PIEZO2: variants seen among roughly 807,000 people sequenced by gnomAD.
PIEZO2 encodes the protein piezo-type mechanosensitive ion channel component 2.
A neutral mutation model predicts 337.3 loss-of-function variants in PIEZO2; 172 were observed. The ratio of observed to expected loss-of-function variants is 0.51; its 90% confidence interval spans 0.45 to 0.58. PIEZO2 has a LOEUF of 0.58. Among genes scored for constraint, PIEZO2 ranks in the 20% least tolerant of loss-of-function variants. The probability of loss-of-function intolerance (pLI) is 0.00; values close to 1 mark genes in which losing one functional copy is unlikely to be tolerated. For missense variants in PIEZO2, 3,028 were observed against 3,391.3 expected, an observed-to-expected ratio of 0.89 and a Z score of 2.66; for synonymous variants, 1,251 against 1,228.5, an observed-to-expected ratio of 1.02 and a Z score of -0.38.
intron 2 of PIEZO2, among the ~76,000 whole-genome samples, chr18:11,043,109 G>A (rs1050236019): frequency 1.3e-5 from 2 of 152,128 alleles, no homozygotes; most frequent in Admixed American, 6.6e-5. Context: ...CTGTATAAAT[G>A]AACACTTGGT....
rs180742010 is a variant in PIEZO2, at chr18:10,750,382, C to T, written c.4168-195G>A. Among the ~76,000 whole-genome samples the T allele has an allele frequency of 1.3e-5, 2 of 152,286 alleles. No homozygotes were observed. The highest frequency in any genetic ancestry group is 3.9e-4 in the East Asian group (2 of 5,182). On this transcript the variant is annotated intron_variant, in intron 28 of 55. Transcript: ENST00000674853. This position sits in a 1 kb window ranked among gnomAD's most constrained non-coding sequence, Gnocchi z 4.1. The stretch of plus-strand genomic sequence containing the variant: ...ATGTAAATTCCTGGGAAAAATTAAA[C>T]CTAACGAGGAAAGGAAAGGTCTTTC...
intron 4 of PIEZO2, among the ~76,000 whole-genome samples, chr18:10,882,331 A>AC (rs555698430): frequency 2.6e-5 from 4 of 152,010 alleles, no homozygotes; most frequent in African/African-American, 7.2e-5. Flanking sequence ...TTCTCCAGTT[A>AC]CCCCCGGCCC....
chr18:10,937,966 G>C (rs1319354398), intron 3 of PIEZO2, among the ~76,000 whole-genome samples: 1 of 152,216 alleles, frequency 6.6e-6, no homozygotes, highest in Non-Finnish European at 1.5e-5. Flanking sequence ...AGAGATGAGA[G>C]AAGTGGCTTT....
intron 1 of PIEZO2, among the ~76,000 whole-genome samples, chr18:11,136,518 A>G (rs1426383433): frequency 6.6e-6 from 1 of 152,214 alleles, no homozygotes; most frequent in Non-Finnish European, 1.5e-5. Context: ...AGCTAACAAC[A>G]TTTCCTTGCT....
At chr18:10,985,491 C>A (rs950522850) in intron 2 of PIEZO2, among the ~76,000 whole-genome samples, 26 of 152,014 alleles carry the variant, frequency 1.7e-4, no homozygotes, top group Non-Finnish European at 2.6e-4. Context: ...AATTAGCTGA[C>A]CATACATGTA....
intron 9 of PIEZO2, 148 bp downstream of exon 9, chr18:10,803,726 TG>T: frequency 1.1e-6 from 1 of 921,088 alleles, no homozygotes; most frequent in Non-Finnish European, 1.5e-6. Context: ...TTTCCCTCTC[TG>T]GTACTAACTC....
In PIEZO2 at chr18:11,070,924, G is replaced by T. The variant is rs1322470742; in HGVS notation, c.65-4702C>A. 2.0e-5 allele frequency among the ~76,000 whole-genome samples: 3 copies of T among 152,182 alleles called. No individual in the cohort carries two copies. In the East Asian group the frequency reaches 5.8e-4, roughly 29 times the overall value. The stretch of plus-strand genomic sequence containing the variant: ...CCAGACAGGAAGACCAGATCAAGAA[G>T]CACTAATCCCAGAATGCGGACAACA... On this transcript the variant is annotated intron_variant, in intron 1 of 55. Transcript: ENST00000674853. The surrounding 1 kb of genome is among the most constrained non-coding windows in gnomAD (Gnocchi z 4.3).
chr18:11,132,474 T>C lies in PIEZO2; in HGVS notation c.64+16051A>G, dbSNP rs2040368242. On this transcript the variant is annotated intron_variant, in intron 1 of 55. Transcript: ENST00000674853. This position sits in a 1 kb window ranked among gnomAD's most constrained non-coding sequence, Gnocchi z 4.7. ...TGGGGCAAAGTTCTCCAGAAGGCCG[T>C]GTATGCTCTGAATCAACATCCAATA... 6.6e-6 allele frequency among the ~76,000 whole-genome samples: 1 copy of C among 152,164 alleles called. No homozygotes were observed. The highest frequency in any genetic ancestry group is 2.4e-5 in the African/African-American group (1 of 41,444).
At chr18:10,972,330 T>A (rs1420738571) in intron 3 of PIEZO2, among the ~76,000 whole-genome samples, 2 of 152,168 alleles carry the variant, frequency 1.3e-5, no homozygotes, top group Non-Finnish European at 2.9e-5. Context: ...TAGTGAATAA[T>A]ATATTTATTA....
chr18:10,851,185 T>C (rs1368627440), intron 7 of PIEZO2, among the ~76,000 whole-genome samples: 2 of 150,844 alleles, frequency 1.3e-5, no homozygotes, highest in African/African-American at 4.9e-5. Context: ...CAGTCTGCAG[T>C]TTGTTTTCTT....
chr18:11,013,034 A>G (rs2145666762), intron 2 of PIEZO2, among the ~76,000 whole-genome samples: 1 of 152,190 alleles, frequency 6.6e-6, no homozygotes, highest in South Asian at 2.1e-4. Flanking sequence ...ACAGAGTGAG[A>G]CCCTGTCTCA....
At chr18:10,983,346 G>A (rs983621294) in intron 2 of PIEZO2, among the ~76,000 whole-genome samples, 1 of 152,108 alleles carries the variant, frequency 6.6e-6, no homozygotes, top group Non-Finnish European at 1.5e-5. Flanking sequence ...AAATATTAAA[G>A]AGGATAAGTA....
intron 13 of PIEZO2, among the ~76,000 whole-genome samples, chr18:10,793,365 T>C (rs1206072301): frequency 6.6e-6 from 1 of 152,242 alleles, no homozygotes; most frequent in African/African-American, 2.4e-5. Flanking sequence ...TCTGAGTTCC[T>C]GGGTGCATTA....
At chr18:10,971,077 G>A (rs2034217324) in intron 3 of PIEZO2, among the ~76,000 whole-genome samples, 1 of 152,148 alleles carries the variant, frequency 6.6e-6, no homozygotes, top group Non-Finnish European at 1.5e-5. Context: ...CCCATGACCA[G>A]ACACTGATGC....
intron 35 of PIEZO2, among the ~76,000 whole-genome samples, chr18:10,733,830 G>A (rs2036888233): frequency 1.3e-5 from 2 of 152,182 alleles, no homozygotes; most frequent in South Asian, 2.1e-4. Flanking sequence ...CAAGCTCCAT[G>A]AACCAGGAGT....
At chr18:10,896,263 A>T (rs1407883644) in intron 4 of PIEZO2, among the ~76,000 whole-genome samples, 1 of 152,044 alleles carries the variant, frequency 6.6e-6, no homozygotes, top group Non-Finnish European at 1.5e-5. Context: ...TCCTTCAAAA[A>T]ATTAAACTCC....
At chr18:10,901,887 CTG>C (rs1233408104) in intron 4 of PIEZO2, among the ~76,000 whole-genome samples, 1 of 151,584 alleles carries the variant, frequency 6.6e-6, no homozygotes, top group Non-Finnish European at 1.5e-5. Context: ...CTTAATTTCT[CTG>C]TGTCTCAGTG....
intron 7 of PIEZO2, among the ~76,000 whole-genome samples, chr18:10,843,633 G>C (rs1034581214): frequency 3.9e-5 from 6 of 152,168 alleles, no homozygotes; most frequent in African/African-American, 1.2e-4. Flanking sequence ...ACTAAATGTA[G>C]AAAGGGTAAT....
At position 10,888,866 on chromosome 18, in the gene PIEZO2, T is replaced by C. The variant is rs115202792; in HGVS notation, c.330-17451A>G. On this transcript the variant is annotated intron_variant, in intron 4 of 55. Coordinates refer to ENST00000674853, the MANE Select transcript of PIEZO2 (RefSeq NM_001378183.1). This position sits in a 1 kb window ranked among gnomAD's most constrained non-coding sequence, Gnocchi z 4.1. ...GACAGAGCCACTTTCTCATACAGGG[T>C]ACACTTCCACCAACACCTCCATGCA... 0.011 allele frequency among the ~76,000 whole-genome samples: 1,704 copies of C among 149,724 alleles called. 37 individuals carry two copies. Among genetic ancestry groups the C allele is most frequent in the African/African-American group, 0.04 (1,625 of 40,592 alleles).
Sources: gnomAD v4.1 joint callset for allele counts (sites outside exome capture counted in the v4.1 genomes callset) on GRCh38, gnomAD v4.1.1 for gene constraint, Gnocchi (gnomAD v3.1) non-coding constraint, MANE v1.5 for transcripts, NCBI Gene and HGNC (gene_info 2026-07-23, HGNC 2026-07-21) for gene names.